Variants in NXN observed in about 807,000 individuals in gnomAD.
The protein encoded by NXN is nucleoredoxin 1.
A neutral mutation model predicts 48.6 loss-of-function variants in NXN; 16 were observed. That is an observed-to-expected ratio of 0.33 (90% confidence interval 0.22 to 0.50). The LOEUF (loss-of-function observed/expected upper bound fraction) is 0.50. NXN is among the 20% of genes least tolerant of loss of function. NXN has a pLI of 0.98. For synonymous variants in NXN, 281 were observed against 269.6 expected (o/e 1.04, Z -0.41); for missense variants, 492 against 605.5 (o/e 0.81, Z 1.97).
In NXN at chr17:825,646, A is replaced by G. The variant is rs1329274621; in HGVS notation, c.478+315T>C. 3 of 260,848 alleles carry G rather than the reference A, an allele frequency of 1.2e-5. No individual in the cohort carries two copies. Among genetic ancestry groups the G allele is most frequent in the African/African-American group, 2.3e-5 (1 of 44,158 alleles). 16.2% of individuals were successfully genotyped at this position (260,848 alleles called of 1,614,324 possible). ...GGGCAGCCGCCACGGATGCAGCACT[A>G]GAGGCCGGGGTCTGAGCTCTCCGCT... On this transcript the variant is annotated intron_variant, in intron 2 of 7. Transcript: ENST00000336868. The surrounding 1 kb of genome is among the most constrained non-coding windows in gnomAD (Gnocchi z 4.1).
chr17:850,596 G>A (rs971746269), intron 1 of NXN, among the ~76,000 whole-genome samples: 3 of 152,090 alleles, frequency 2.0e-5, no homozygotes, highest in Non-Finnish European at 4.4e-5. Flanking sequence ...AGTGGGGCTG[G>A]GGGGCACCCA....
chr17:859,029 G>A (rs907251339), intron 1 of NXN, among the ~76,000 whole-genome samples: 8 of 152,208 alleles, frequency 5.3e-5, no homozygotes, highest in African/African-American at 1.7e-4. Context: ...CTGACAACAT[G>A]ATTTACTATT....
chr17:873,272 G>A (rs1185862209), intron 1 of NXN, among the ~76,000 whole-genome samples: 1 of 151,924 alleles, frequency 6.6e-6, no homozygotes, highest in Non-Finnish European at 1.5e-5. Flanking sequence ...CGAGGAGGGT[G>A]GATCACTTGA....
chr17:967,588 T>C (rs962529453), intron 1 of NXN, among the ~76,000 whole-genome samples: 1 of 152,062 alleles, frequency 6.6e-6, no homozygotes, highest in African/African-American at 2.4e-5. Context: ...CCAAGTTAAA[T>C]GGATAAGAAC....
chr17:854,809 A>C (rs2067967973), intron 1 of NXN, among the ~76,000 whole-genome samples: 1 of 151,458 alleles, frequency 6.6e-6, no homozygotes, highest in African/African-American at 2.4e-5. Flanking sequence ...AAATACAAAA[A>C]TTAGCTGGAT....
rs546813515 is a variant in NXN, at chr17:873,119, A to G, written c.361-47041T>C. ...TTCAGACTTGGCGGGAACTTACACC[A>G]TCAGTTCTCCTGGGTCTCCAGCTTG... is the stretch of plus-strand genomic sequence containing the variant. On this transcript the variant is annotated intron_variant, in intron 1 of 7. Transcript: ENST00000336868. 1.5e-4 allele frequency among the ~76,000 whole-genome samples: 23 copies of G among 152,230 alleles called. 1 individual carries two copies. The South Asian group carries it at 3.7e-3, about 25-fold the overall frequency.
At chr17:876,501 C>T (rs187520618) in intron 1 of NXN, among the ~76,000 whole-genome samples, 20 of 152,272 alleles carry the variant, frequency 1.3e-4, no homozygotes, top group African/African-American at 4.3e-4. Flanking sequence ...TTGCTCTAAG[C>T]GTGTTTCATG....
At chr17:948,662 T>C (rs965209733) in intron 1 of NXN, among the ~76,000 whole-genome samples, 5 of 151,966 alleles carry the variant, frequency 3.3e-5, no homozygotes, top group African/African-American at 4.8e-5. Context: ...AACAAACGCT[T>C]GAGGCAAAAC....
In NXN at chr17:889,523, C is replaced by T. The variant is rs565431513; in HGVS notation, c.361-63445G>A. ...ACCAGCCTGGCCAACAAGGCAAAAC[C>T]CTGTCTCCACTAAAATACAAAAATT... On this transcript the variant is annotated intron_variant, in intron 1 of 7. Coordinates refer to ENST00000336868, the MANE Select transcript of NXN (RefSeq NM_022463.5). Among the ~76,000 whole-genome samples, 21 of 152,218 alleles carry T rather than the reference C, an allele frequency of 1.4e-4. No individual in the cohort carries two copies. In the South Asian group the frequency reaches 4.2e-3, roughly 30 times the overall value.
chr17:939,788 G>A (rs2068950080), intron 1 of NXN, among the ~76,000 whole-genome samples: 1 of 152,202 alleles, frequency 6.6e-6, no homozygotes, highest in Admixed American at 6.5e-5. Context: ...CTTCTAGCTA[G>A]GGGGTCTGCA....
At chr17:979,276 G>GCGTGGGGGGCGGGCAGGGGTAACGGT in intron 1 of NXN, 43 bp downstream of exon 1, 1 of 1,372,208 alleles carries the variant, frequency 7.3e-7, no homozygotes, top group South Asian at 1.3e-5. Flanking sequence ...GGGGTAACGG[G>GCGTGGGGGGCGGGCAGGGGTAACGGT]CGTGGGGGGC....
chr17:847,049 G>A (rs541126636), intron 1 of NXN, among the ~76,000 whole-genome samples: 23 of 152,234 alleles, frequency 1.5e-4, no homozygotes, highest in African/African-American at 4.3e-4. Context: ...AGTCGGCAGG[G>A]TGAGCTTTTC....
intron 1 of NXN, among the ~76,000 whole-genome samples, chr17:963,450 A>C (rs1173628193): frequency 2.0e-5 from 3 of 151,970 alleles, no homozygotes; most frequent in Non-Finnish European, 4.4e-5. Context: ...AAAAATAAAA[A>C]CATCAGTCCG....
At chr17:842,617 C>T in intron 1 of NXN, 2 of 968,444 alleles carry the variant, frequency 2.1e-6, no homozygotes, top group South Asian at 4.8e-5. Flanking sequence ...CCCCAGGCAA[C>T]TTGGCTACTA....
In NXN at chr17:933,796, G is replaced by A. The variant is rs148218148; in HGVS notation, c.360+45523C>T. Among the ~76,000 whole-genome samples the A allele has an allele frequency of 2.6e-5, 4 of 152,236 alleles. No individual in the cohort carries two copies. The East Asian group carries it at 7.7e-4, about 29-fold the overall frequency. On this transcript the variant is annotated intron_variant, in intron 1 of 7. Coordinates refer to ENST00000336868, the MANE Select transcript of NXN (RefSeq NM_022463.5). ...AGCCTACGTGGTCAACTTTAGAAAT[G>A]TGCCTTCGTGTAAGCTGGTTTTTAT...
chr17:852,727 G>A (rs2067937318), intron 1 of NXN, among the ~76,000 whole-genome samples: 1 of 152,174 alleles, frequency 6.6e-6, no homozygotes, highest in Non-Finnish European at 1.5e-5. Flanking sequence ...GCACGGTTGG[G>A]ATTATGCGTA....
In NXN at chr17:884,223, A is replaced by AAAATAAATAAAT. The variant is rs996617349; in HGVS notation, c.361-58157_361-58146dup. Among the ~76,000 whole-genome samples, 534 of 141,858 alleles carry AAAATAAATAAAT rather than the reference A, an allele frequency of 3.8e-3. 5 individuals are homozygous for AAAATAAATAAAT. The highest frequency in any genetic ancestry group is 0.019 in the South Asian group (77 of 4,156). The allele number at this position is 141,858 out of a possible 152,430, so 93.1% of individuals were successfully genotyped here. ...GGGACTGAGCAAGACTCTGACTCAAAAAATAAATAAATAAATAAATAAATA... is the reference window on the plus strand; with the variant it reads ...GGGACTGAGCAAGACTCTGACTCAAAAAATAAATAAATAAATAAATAAATAAATAAATAAATA... On this transcript the variant is annotated intron_variant, in intron 1 of 7. Transcript: ENST00000336868.
intron 5 of NXN, among the ~76,000 whole-genome samples, chr17:811,047 G>A (rs543629991): frequency 2.8e-4 from 42 of 152,282 alleles, no homozygotes; most frequent in South Asian, 8.3e-4. Context: ...AAGGGGCAAA[G>A]GAAGAGAGTC....
chr17:837,103 G>A (rs1369117782), intron 1 of NXN, among the ~76,000 whole-genome samples: 1 of 151,998 alleles, frequency 6.6e-6, no homozygotes, highest in Non-Finnish European at 1.5e-5. Context: ...CTCAGCCTCC[G>A]AGGAGCTGGG....
Sources: gnomAD v4.1 joint callset for allele counts (sites outside exome capture counted in the v4.1 genomes callset) on GRCh38, gnomAD v4.1.1 for gene constraint, Gnocchi (gnomAD v3.1) non-coding constraint, MANE v1.5 for transcripts, NCBI Gene and HGNC (gene_info 2026-07-23, HGNC 2026-07-21) for gene names.